The following PALLD variants were observed in gnomAD, a reference collection of about 807,000 sequenced individuals.
PALLD encodes the protein palladin, cytoskeletal associated protein.
PALLD carries 61 observed loss-of-function variants against 123.5 expected under a neutral mutation model. The observed-to-expected ratio is 0.49, with a 90% CI of 0.40 to 0.61. The LOEUF is 0.61. Ranked by LOEUF, PALLD falls within the 20% of genes least tolerant of loss-of-function variation. The pLI, the probability that PALLD is intolerant of heterozygous loss-of-function variation, is 0.00. For missense variants in PALLD, 1,273 were observed against 1,377.0 expected, an observed-to-expected ratio of 0.92 and a Z score of 1.20; for synonymous variants, 465 against 496.4, an observed-to-expected ratio of 0.94 and a Z score of 0.84.
intron 18 of PALLD, among the ~76,000 whole-genome samples, chr4:168,921,969 T>C (rs1459688878): frequency 6.6e-6 from 1 of 152,072 alleles, no homozygotes; most frequent in East Asian, 1.9e-4. Flanking sequence ...TTATTAGCTC[T>C]TTTGGGTCAT....
At chr4:168,654,477 G>A (rs1778363152) in intron 2 of PALLD, among the ~76,000 whole-genome samples, 1 of 152,248 alleles carries the variant, frequency 6.6e-6, no homozygotes. Flanking sequence ...ATGACATAAC[G>A]AAAACTGTAT....
At chr4:168,682,873 G>C (rs574448384) in intron 4 of PALLD, 125 bp from the exon 5 acceptor site, 1 of 635,902 alleles carries the variant, frequency 1.6e-6, no homozygotes, top group Admixed American at 2.6e-5. Context: ...AGCGGATTGC[G>C]TATACAAAAA....
In PALLD at chr4:168,925,051, T is replaced by A; in HGVS notation, c.3331T>A (p.Ser1111Thr). 1 of 1,614,162 alleles carries A rather than the reference T, an allele frequency of 6.2e-7. No individual in the cohort carries two copies. The highest frequency in any genetic ancestry group is 8.5e-7 in the Non-Finnish European group (1 of 1,180,000). ...AGCCAAGAATGAAGCAGGGATTGTG[T>A]CCTGTACTGCCAGGCTGGACGTTTA... ...VSAKNEAGIVSCTARLDVYIS... is the reference protein window; with the variant it reads ...VSAKNEAGIVTCTARLDVYIS... Residue 1111 changes from serine to threonine, a missense_variant, in exon 20 of 22, where the codon TCC (serine) becomes ACC (threonine). Around this residue, in one of 2 missense-constraint regions of PALLD, gnomAD observed 329 missense variants for 422.5 expected, o/e 0.78. Coordinates refer to ENST00000505667, the MANE Select transcript of PALLD (RefSeq NM_001166108.2).
chr4:168,851,394 G>T (rs530085172), intron 10 of PALLD, among the ~76,000 whole-genome samples: 4 of 152,280 alleles, frequency 2.6e-5, no homozygotes, highest in Non-Finnish European at 5.9e-5. Flanking sequence ...TTGAGACGGA[G>T]TCTGGCTGTT....
Position 168,651,278 on chromosome 4 carries a change from T to C in PALLD, c.909-16912T>C, listed in dbSNP as rs1282472724. Among the ~76,000 whole-genome samples the C allele has an allele frequency of 4.6e-5, 7 of 152,230 alleles. No homozygotes were observed. In the East Asian group the frequency reaches 1.3e-3, roughly 29 times the overall value. On this transcript the variant is annotated intron_variant, in intron 2 of 21. Coordinates refer to ENST00000505667, the MANE Select transcript of PALLD (RefSeq NM_001166108.2). ...AAGAGTGTTGGGCAAACTGGTTCTT[T>C]TAGCTTTTAACATTGCAGTAAATGG...
intron 10 of PALLD, among the ~76,000 whole-genome samples, chr4:168,859,160 C>T (rs1027436412): frequency 6.6e-6 from 1 of 152,184 alleles, no homozygotes; most frequent in Non-Finnish European, 1.5e-5. Flanking sequence ...CTGCATTTCA[C>T]GTGAGAGAAA....
At chr4:168,514,373 T>C (rs1762805865) in intron 2 of PALLD, among the ~76,000 whole-genome samples, 1 of 152,194 alleles carries the variant, frequency 6.6e-6, no homozygotes, top group African/African-American at 2.4e-5. Flanking sequence ...TGATTACAGG[T>C]GGGCGATTTT....
intron 6 of PALLD, among the ~76,000 whole-genome samples, chr4:168,685,818 A>G (rs10011012): frequency 6.7e-6 from 1 of 148,458 alleles, no homozygotes; most frequent in Non-Finnish European, 1.5e-5. Context: ...TAGAAAAAAA[A>G]AAAAAAAAAA....
intron 10 of PALLD, among the ~76,000 whole-genome samples, chr4:168,730,017 TG>T (rs1213824485): frequency 6.6e-6 from 1 of 152,252 alleles, no homozygotes; most frequent in East Asian, 1.9e-4. Context: ...TGTGATGATA[TG>T]TAATATTTTT....
At chr4:168,611,195 G>A (rs1045704169) in intron 2 of PALLD, among the ~76,000 whole-genome samples, 2 of 152,124 alleles carry the variant, frequency 1.3e-5, no homozygotes, top group East Asian at 1.9e-4. Flanking sequence ...AAGAGCCTGC[G>A]CCATACTCTG....
At chr4:168,505,684 G>C (rs978145797) in intron 1 of PALLD, among the ~76,000 whole-genome samples, 1 of 152,210 alleles carries the variant, frequency 6.6e-6, no homozygotes, top group African/African-American at 2.4e-5. Context: ...TTCTAAACCA[G>C]AGGCTGCTGT....
intron 3 of PALLD, among the ~76,000 whole-genome samples, chr4:168,672,634 A>G (rs1460437979): frequency 6.6e-6 from 1 of 151,648 alleles, no homozygotes; most frequent in Non-Finnish European, 1.5e-5. Flanking sequence ...AATTTTTTGT[A>G]TTTTTAGTAG....
intron 2 of PALLD, among the ~76,000 whole-genome samples, chr4:168,564,816 C>T (rs1386256080): frequency 1.3e-5 from 2 of 152,110 alleles, no homozygotes; most frequent in East Asian, 3.9e-4. Flanking sequence ...TAGGTCTCTA[C>T]ATTGATCAAA....
chr4:168,779,246 T>G (rs868084468), intron 10 of PALLD, among the ~76,000 whole-genome samples: 3 of 152,240 alleles, frequency 2.0e-5, no homozygotes, highest in African/African-American at 7.2e-5. Flanking sequence ...TTAAAAAGCA[T>G]CAGTGCTTCT....
intron 10 of PALLD, among the ~76,000 whole-genome samples, chr4:168,879,960 G>A (rs1338428222): frequency 2.0e-5 from 3 of 152,188 alleles, no homozygotes; most frequent in Non-Finnish European, 4.4e-5. Context: ...AGAGTTTGTT[G>A]CATGACACTT....
chr4:168,706,421 C>T (rs1784237116), intron 8 of PALLD, among the ~76,000 whole-genome samples: 1 of 152,142 alleles, frequency 6.6e-6, no homozygotes, highest in South Asian at 2.1e-4. Flanking sequence ...TGTGTTTTTA[C>T]AACTCTTGCA....
At chr4:168,594,863 G>A (rs1363996944) in intron 2 of PALLD, among the ~76,000 whole-genome samples, 4 of 152,038 alleles carry the variant, frequency 2.6e-5, no homozygotes, top group African/African-American at 9.7e-5. Context: ...TCAAGAACAA[G>A]GTTAACATAA....
At chr4:168,703,627 T>G (rs1215298646) in intron 8 of PALLD, among the ~76,000 whole-genome samples, 2 of 131,958 alleles carry the variant, frequency 1.5e-5, no homozygotes, top group African/African-American at 6.6e-5. Context: ...GGTATCTCAT[T>G]GTGGTTTTGA....
intron 14 of PALLD, among the ~76,000 whole-genome samples, chr4:168,900,058 A>G (rs1003274959): frequency 6.6e-6 from 1 of 152,220 alleles, no homozygotes; most frequent in South Asian, 2.1e-4. Context: ...AAAAAGGTGA[A>G]TCACACAGCA....
Sources: allele counts gnomAD v4.1 joint callset (sites outside exome capture counted in the v4.1 genomes callset), GRCh38; gene constraint gnomAD v4.1.1; regional missense constraint gnomAD v4.1.1; transcripts MANE v1.5; gene names NCBI Gene and HGNC (gene_info 2026-07-23, HGNC 2026-07-21).